The following TEX36 variants were observed in gnomAD, a reference collection of about 807,000 sequenced individuals.
The protein encoded by TEX36 is testis expressed 36, also known as testis-expressed protein 36.
TEX36 carries 12 observed loss-of-function variants against 13.6 expected under a neutral mutation model. The observed-to-expected ratio is 0.88, with a 90% CI of 0.56 to 1.43. TEX36 has a LOEUF of 1.43. TEX36 is among the 40% of genes most tolerant of loss of function. The probability of loss-of-function intolerance (pLI) is 0.00; values close to 1 mark genes in which losing one functional copy is unlikely to be tolerated. For missense variants in TEX36, 224 were observed against 228.3 expected, an observed-to-expected ratio of 0.98 and a Z score of 0.12; for synonymous variants, 93 against 83.0, an observed-to-expected ratio of 1.12 and a Z score of -0.65.
At chr10:125,625,058 G>A (rs953948672) in intron 3 of TEX36, among the ~76,000 whole-genome samples, 5 of 152,144 alleles carry the variant, frequency 3.3e-5, no homozygotes, top group Admixed American at 6.5e-5. Context: ...ATCTGGCAAG[G>A]GCAACACCTC....
chr10:125,619,850 C>A (rs531609261), downstream of TEX36, among the ~76,000 whole-genome samples: 3 of 151,726 alleles, frequency 2.0e-5, no homozygotes, highest in East Asian at 1.9e-4. Context: ...CCACCTCGCC[C>A]GACCATTTTT....
intron 1 of TEX36, 65 bp from the exon 2 acceptor site, chr10:125,662,042 G>C (rs1416451861): frequency 6.5e-7 from 1 of 1,547,830 alleles, no homozygotes; most frequent in East Asian, 2.4e-5. Context: ...CAAGTATCAG[G>C]GCTTCCTTTG....
At chr10:125,607,872 T>G (rs1350358397) in intron 3 of TEX36, among the ~76,000 whole-genome samples, 1 of 152,126 alleles carries the variant, frequency 6.6e-6, no homozygotes, top group Non-Finnish European at 1.5e-5. Context: ...GTTTGGACTG[T>G]CTGAGGCTGA....
rs755763840 is a variant in TEX36 at position 125,655,837 on chromosome 10, T to C, written c.*63A>G. 1.4e-5 allele frequency: 19 copies of C among 1,401,526 alleles called. No individual in the cohort carries two copies. The highest frequency in any genetic ancestry group is 1.8e-5 in the Non-Finnish European group (19 of 1,071,796). 86.8% of individuals were successfully genotyped at this position (1,401,526 alleles called of 1,614,324 possible). ...TAGTGGTGCTGGATCAGAAAACATATACTTTTAGGATGTCTGATGAAATAC... is the reference window on the plus strand; with the variant it reads ...TAGTGGTGCTGGATCAGAAAACATACACTTTTAGGATGTCTGATGAAATAC... On this transcript the variant is annotated 3_prime_UTR_variant, in exon 4 of 4. Transcript: ENST00000368821.
chr10:125,645,620 T>G (rs1846758368), intron 3 of TEX36, among the ~76,000 whole-genome samples: 1 of 152,232 alleles, frequency 6.6e-6, no homozygotes, highest in Non-Finnish European at 1.5e-5. Flanking sequence ...TTTACATTAT[T>G]ATTCCAGATA....
chr10:125,613,157 C>T (rs1846311284), intron 3 of TEX36, among the ~76,000 whole-genome samples: 1 of 150,572 alleles, frequency 6.6e-6, no homozygotes, highest in East Asian at 1.9e-4. Context: ...AGCTCTGCCG[C>T]TCGGCTGGAA....
intron 3 of TEX36, among the ~76,000 whole-genome samples, chr10:125,614,908 C>T (rs1846337990): frequency 6.6e-6 from 1 of 152,144 alleles, no homozygotes; most frequent in South Asian, 2.1e-4. Flanking sequence ...TTCTTCCTAC[C>T]CATGAGCATG....
At chr10:125,663,208 G>T (rs977975264) in intron 1 of TEX36, among the ~76,000 whole-genome samples, 2 of 152,200 alleles carry the variant, frequency 1.3e-5, no homozygotes, top group African/African-American at 4.8e-5. Flanking sequence ...TGGTAGATTT[G>T]ATACAAAGAG....
intron 1 of TEX36, among the ~76,000 whole-genome samples, chr10:125,680,358 A>G (rs906865398): frequency 6.6e-6 from 1 of 152,224 alleles, no homozygotes; most frequent in Non-Finnish European, 1.5e-5. Flanking sequence ...AAATCACTGT[A>G]AAAAATGGCT....
chr10:125,605,407 G>A (rs940420467), intron 3 of TEX36, among the ~76,000 whole-genome samples: 7 of 115,242 alleles, frequency 6.1e-5, no homozygotes, highest in Non-Finnish European at 1.0e-4. Flanking sequence ...ATCTCCACAC[G>A]CAGCGTAGTG....
chr10:125,612,987 C>T (rs1846308874), intron 3 of TEX36, among the ~76,000 whole-genome samples: 1 of 151,932 alleles, frequency 6.6e-6, no homozygotes. Context: ...CCACCCCCAC[C>T]AAAAGCCTGC....
chr10:125,643,399 G>C (rs1302022647), intron 3 of TEX36, among the ~76,000 whole-genome samples: 1 of 152,082 alleles, frequency 6.6e-6, no homozygotes, highest in African/African-American at 2.4e-5. Context: ...TTTGAGGTCA[G>C]GAGTTTGAGA....
chr10:125,659,915 C>T (rs1847006599), intron 3 of TEX36, among the ~76,000 whole-genome samples: 1 of 152,144 alleles, frequency 6.6e-6, no homozygotes, highest in Non-Finnish European at 1.5e-5. Context: ...TAATAGGTTT[C>T]CCTGTGCTGT....
chr10:125,616,138 A>G (rs1018659712), intron 3 of TEX36, among the ~76,000 whole-genome samples: 13 of 151,980 alleles, frequency 8.6e-5, no homozygotes, highest in Admixed American at 8.5e-4. Context: ...TATCCCCTTT[A>G]CCATTTTTTA....
chr10:125,641,734 G>A (rs1846695696), intron 3 of TEX36, among the ~76,000 whole-genome samples: 1 of 152,206 alleles, frequency 6.6e-6, no homozygotes, highest in African/African-American at 2.4e-5. Context: ...ACAACAGCAA[G>A]TCACTGACAT....
chr10:125,605,932 G>A (rs1383047413), intron 3 of TEX36, among the ~76,000 whole-genome samples: 2 of 152,146 alleles, frequency 1.3e-5, no homozygotes, highest in African/African-American at 2.4e-5. Context: ...TCTAGTTACA[G>A]GGAATCTATT....
downstream of TEX36, among the ~76,000 whole-genome samples, chr10:125,620,291 C>T (rs1156677594): frequency 1.3e-5 from 2 of 152,180 alleles, no homozygotes; most frequent in African/African-American, 2.4e-5. Flanking sequence ...TAAAAATCTT[C>T]GCTCATTTTG....
At position 125,656,033 on chromosome 10, in the gene TEX36, A is replaced by C. The variant is rs1846935167; in HGVS notation, c.428T>G (p.Phe143Cys). 1.3e-6 allele frequency: 2 copies of C among 1,551,994 alleles called. No homozygotes were observed. Among genetic ancestry groups the C allele is most frequent in the Non-Finnish European group, 1.7e-6 (2 of 1,147,054 alleles). Residue 143 changes from phenylalanine (F) to cysteine (C), a missense_variant, in exon 4 of 4, where the codon TTT becomes TGT. Transcript: ENST00000368821. Reference protein sequence around the residue: ...EAMVVSSFRRFPRCYKEIWNA... With the variant: ...EAMVVSSFRRCPRCYKEIWNA... ...CCATATCTCTTTATAGCATCGTGGAAAGCGTCTGAAGCTTGAGACCACCAT... is the reference window on the plus strand; with the variant it reads ...CCATATCTCTTTATAGCATCGTGGACAGCGTCTGAAGCTTGAGACCACCAT...
chr10:125,656,249 C>CT (rs66461124), intron 3 of TEX36, 53 bp from the exon 4 acceptor site: 96,551 of 259,470 alleles, frequency 0.37, 20,425 homozygotes, highest in Non-Finnish European at 0.42. Context: ...TCACATAGTT[C>CT]TTTTTTTTTT....
Sources: gnomAD v4.1 joint callset for allele counts (sites outside exome capture counted in the v4.1 genomes callset) on GRCh38, gnomAD v4.1.1 for gene constraint, MANE v1.5 for transcripts, NCBI Gene and HGNC (gene_info 2026-07-23, HGNC 2026-07-21) for gene names.